Variants in CEP128 observed in about 807,000 individuals in gnomAD.
The protein encoded by CEP128 is centrosomal protein 128kDa.
Under a neutral mutation model 156.7 loss-of-function variants are expected in CEP128, and 132 were observed. That is an observed-to-expected ratio of 0.84 (90% CI 0.73 to 0.97). The LOEUF (loss-of-function observed/expected upper bound fraction) is 0.97, where lower values mean the gene tolerates loss of function less well. Ranked by LOEUF, CEP128 falls within the 50% of genes least tolerant of loss-of-function variation. CEP128 has a pLI of 0.00. For missense variants in CEP128, 1,252 were observed against 1,281.9 expected (o/e 0.98, Z 0.36); for synonymous variants, 469 against 448.9 (o/e 1.04, Z -0.57).
At position 80,841,409 on chromosome 14, in the gene CEP128, T is replaced by C. The variant is rs529194069; in HGVS notation, c.763-641A>G. Among the ~76,000 whole-genome samples, 21 of 152,208 alleles carry C rather than the reference T, an allele frequency of 1.4e-4. 2 individuals are homozygous for C. The highest frequency in any genetic ancestry group is 7.2e-4 in the Admixed American group (11 of 15,276). ...GTTAAAAACTGCTTTGATGCAAGTA[T>C]ACTCAATCAATTTCAGCTCCCTCTG... On this transcript the variant is annotated intron_variant, in intron 9 of 24. Coordinates refer to ENST00000555265, the MANE Select transcript of CEP128 (RefSeq NM_152446.5).
chr14:80,827,502 C>T (rs897194910), intron 13 of CEP128, among the ~76,000 whole-genome samples: 2 of 152,088 alleles, frequency 1.3e-5, no homozygotes, highest in Admixed American at 1.3e-4. Flanking sequence ...AAAAATTAAA[C>T]ATAAGACTGA....
chr14:80,677,797 C>T (rs1057232428), intron 19 of CEP128, among the ~76,000 whole-genome samples: 1 of 151,516 alleles, frequency 6.6e-6, no homozygotes, highest in Non-Finnish European at 1.5e-5. Flanking sequence ...AGCCAAAAAA[C>T]CTTAATTGTA....
downstream of CEP128, among the ~76,000 whole-genome samples, chr14:80,495,313 TAAGGGTAGGGTAACTGC>T (rs1180377682): frequency 1.3e-5 from 2 of 152,140 alleles, no homozygotes; most frequent in Non-Finnish European, 2.9e-5. Flanking sequence ...ATTTCCAACT[TAAGGGTAGGGTAACTGC>T]AAGATAGGAA....
intron 19 of CEP128, among the ~76,000 whole-genome samples, chr14:80,683,807 A>C (rs1406296613): frequency 6.6e-6 from 1 of 152,166 alleles, no homozygotes; most frequent in Non-Finnish European, 1.5e-5. Context: ...ATCAATACAA[A>C]GAAAATCTCT....
rs556017432 is a variant in CEP128 at position 80,634,343 on chromosome 14, AG to A, written c.2807-53921del. On this transcript the variant is annotated intron_variant, in intron 19 of 24. Coordinates refer to ENST00000555265, the MANE Select transcript of CEP128 (RefSeq NM_152446.5). ...TGACAACATTTTTTGGATTGATGCC[AG>A]ATTCCCGAAGGGCATTTCTGGATGG... 1.2e-3 allele frequency among the ~76,000 whole-genome samples: 178 copies of A among 152,336 alleles called. 1 individual carries two copies. Among genetic ancestry groups the A allele is most frequent in the African/African-American group, 4.2e-3 (175 of 41,588 alleles).
chr14:80,735,766 A>G (rs1898498130), intron 19 of CEP128, among the ~76,000 whole-genome samples: 1 of 152,158 alleles, frequency 6.6e-6, no homozygotes, highest in Non-Finnish European at 1.5e-5. Context: ...TCTGGGGAAG[A>G]ATCCATTTCC....
In CEP128 at chr14:80,595,496, G is replaced by T. The variant is rs145262293; in HGVS notation, c.2807-15073C>A. 3.9e-5 allele frequency among the ~76,000 whole-genome samples: 6 copies of T among 152,072 alleles called. No homozygotes were observed. The East Asian group carries it at 1.2e-3, about 29-fold the overall frequency. On this transcript the variant is annotated intron_variant, in intron 19 of 24. Coordinates refer to ENST00000555265, the MANE Select transcript of CEP128 (RefSeq NM_152446.5). Reference sequence around the variant, plus strand: ...TTAAAAAAATTAATAAACAGGAAGGGTAAAAAATATAAACAGAGAAAGTTT... The same window carrying T: ...TTAAAAAAATTAATAAACAGGAAGGTTAAAAAATATAAACAGAGAAAGTTT...
chr14:80,565,859 T>C (rs746689835), intron 20 of CEP128, among the ~76,000 whole-genome samples: 21 of 152,362 alleles, frequency 1.4e-4, no homozygotes, highest in Middle Eastern at 3.4e-3. Context: ...CTTCTGCCTC[T>C]GGTGAGTACA....
At chr14:80,614,760 T>C (rs531989791) in intron 19 of CEP128, among the ~76,000 whole-genome samples, 3 of 152,342 alleles carry the variant, frequency 2.0e-5, no homozygotes, top group East Asian at 1.9e-4. Context: ...AAATCCCTAG[T>C]GTACGATGAC....
chr14:80,496,069 T>G (rs1887483738), downstream of CEP128, among the ~76,000 whole-genome samples: 1 of 152,158 alleles, frequency 6.6e-6, no homozygotes, highest in African/African-American at 2.4e-5. Context: ...CCAAATCTGT[T>G]GTCTAACCCC....
At chr14:80,521,505 A>G (rs1453591864) in intron 23 of CEP128, among the ~76,000 whole-genome samples, 1 of 152,202 alleles carries the variant, frequency 6.6e-6, no homozygotes, top group Non-Finnish European at 1.5e-5. Flanking sequence ...AAAAATACCA[A>G]TTCAACTGGC....
intron 16 of CEP128, among the ~76,000 whole-genome samples, chr14:80,771,221 T>A (rs112645044): frequency 6.6e-6 from 1 of 152,216 alleles, no homozygotes; most frequent in Admixed American, 6.5e-5. Flanking sequence ...TGGTAATTTG[T>A]TGAATGCAAT....
chr14:80,831,431 C>T, intron 12 of CEP128, 137 bp from the exon 13 acceptor site: 6 of 832,426 alleles, frequency 7.2e-6, no homozygotes, highest in Middle Eastern at 2.5e-4. Flanking sequence ...ACAGACTTTG[C>T]CAGCCTGTTG....
At position 80,862,931 on chromosome 14, in the gene CEP128, A is replaced by G; in HGVS notation, c.646-58T>C. Reference sequence around the variant, plus strand: ...TAGAGCTAGCAAGCAAAACAGACTAAATTGAGAAGATAGTTTTATAGCAGA... The same window carrying G: ...TAGAGCTAGCAAGCAAAACAGACTAGATTGAGAAGATAGTTTTATAGCAGA... On this transcript the variant is annotated intron_variant, in intron 8 of 24. Transcript: ENST00000555265. 2.5e-6 allele frequency: 3 copies of G among 1,213,508 alleles called. No individual in the cohort carries two copies. The Admixed American group carries it at 5.2e-5, about 21-fold the overall frequency. 75.2% of individuals were successfully genotyped at this position (1,213,508 alleles called of 1,614,324 possible).
rs115378726 is a variant in CEP128 at position 80,733,074 on chromosome 14, T to C, written c.2806+10001A>G. Among the ~76,000 whole-genome samples, 1,464 of 152,262 alleles carry C rather than the reference T, an allele frequency of 9.6e-3. 27 individuals carry two copies. Among genetic ancestry groups the C allele is most frequent in the African/African-American group, 0.034 (1,397 of 41,548 alleles). On this transcript the variant is annotated intron_variant, in intron 19 of 24. Coordinates refer to ENST00000555265, the MANE Select transcript of CEP128 (RefSeq NM_152446.5). ...AAAAAAGCATATTGCCTCCACAATA[T>C]GAGTGGGCCTCATCTAATCCACTGA... is the stretch of plus-strand genomic sequence containing the variant.
intron 21 of CEP128, among the ~76,000 whole-genome samples, chr14:80,537,043 C>T (rs1889516238): frequency 6.6e-6 from 1 of 152,172 alleles, no homozygotes; most frequent in Non-Finnish European, 1.5e-5. Context: ...CTTCATATAA[C>T]ACTATTGTAG....
intron 19 of CEP128, among the ~76,000 whole-genome samples, chr14:80,719,558 GATCAC>G (rs1195385695): frequency 1.3e-5 from 2 of 152,146 alleles, no homozygotes; most frequent in Non-Finnish European, 2.9e-5. Flanking sequence ...GCCCAGACTA[GATCAC>G]ATCTCTTAAA....
chr14:80,777,286 T>C (rs914564857), intron 16 of CEP128, among the ~76,000 whole-genome samples: 3 of 152,166 alleles, frequency 2.0e-5, no homozygotes, highest in African/African-American at 2.4e-5. Context: ...ATAGGATTAA[T>C]GCCCTTATAA....
At chr14:80,634,503 TG>T (rs1368654258) in intron 19 of CEP128, among the ~76,000 whole-genome samples, 1 of 148,686 alleles carries the variant, frequency 6.7e-6, no homozygotes, top group East Asian at 2.0e-4. Context: ...GTAATATTTT[TG>T]AATATATTTT....
Sources: allele counts gnomAD v4.1 joint callset (sites outside exome capture counted in the v4.1 genomes callset), GRCh38; gene constraint gnomAD v4.1.1; transcripts MANE v1.5; gene names NCBI Gene and HGNC (gene_info 2026-07-23, HGNC 2026-07-21).